The following ATP2B2 variants were observed in gnomAD, a reference collection of about 807,000 sequenced individuals.
ATP2B2 encodes plasma membrane calcium-transporting ATPase 2.
In ATP2B2, 15 loss-of-function variants were observed where a neutral mutation model predicts 120.0. The ratio of observed to expected loss-of-function variants is 0.12; its 90% confidence interval spans 0.08 to 0.19. The LOEUF is 0.19. ATP2B2 is among the 10% of genes least tolerant of loss of function. The probability of loss-of-function intolerance (pLI) is 1.00; values close to 1 mark genes in which losing one functional copy is unlikely to be tolerated. For missense variants in ATP2B2, 1,045 were observed against 1,719.8 expected (o/e 0.61, Z 6.94); for synonymous variants, 694 against 700.3 (o/e 0.99, Z 0.14).
intron 2 of ATP2B2, among the ~76,000 whole-genome samples, chr3:10,603,663 T>A (rs989007020): frequency 6.6e-5 from 10 of 152,176 alleles, no homozygotes; most frequent in African/African-American, 2.4e-4. Flanking sequence ...ACCCAGCTGT[T>A]CTCTACCCTC....
At chr3:10,350,054 G>T in intron 16 of ATP2B2, 58 bp downstream of exon 16, 3 of 1,551,418 alleles carry the variant, frequency 1.9e-6, no homozygotes. Context: ...GGAGAGGAGG[G>T]CCCAGCTTCT....
chr3:10,371,899 C>T lies in ATP2B2; in HGVS notation c.1569G>A (p.Glu523=). 1.2e-6 allele frequency: 2 copies of T among 1,614,114 alleles called. No homozygotes were observed. Among genetic ancestry groups the T allele is most frequent in the Non-Finnish European group, 1.7e-6 (2 of 1,180,030 alleles). The change falls in exon 12 of 23, where the codon GAG becomes GAA. Residue 523 remains glutamate (E), a synonymous_variant. Transcript: ENST00000360273. Reference sequence around the variant, plus strand: ...TGTTGATGGAGCTGGGGTCGGGGATCTCTTTATAGTGGACGTCGCCGACAT... The same window carrying T: ...TGTTGATGGAGCTGGGGTCGGGGATTTCTTTATAGTGGACGTCGCCGACAT... ...QAYVGDVHYK[E]IPDPSSINTK... is the part of the protein sequence containing the mutation.
At chr3:10,578,693 T>C (rs1411877167) in intron 2 of ATP2B2, among the ~76,000 whole-genome samples, 3 of 151,670 alleles carry the variant, frequency 2.0e-5, no homozygotes, top group Non-Finnish European at 4.4e-5. Flanking sequence ...GAACAACTTG[T>C]GATGTAGTCT....
Position 10,449,617 on chromosome 3 carries a change from TG to T in ATP2B2, c.-75del. On this transcript the variant is annotated 5_prime_UTR_variant, in exon 2 of 23. Transcript: ENST00000360273. Reference sequence around the variant, plus strand: ...AAGAGGCTGCCGGGTGATGGCTGCTTGTGGCTGTCCTCAGCACACCCTCACT... The same window carrying T: ...AAGAGGCTGCCGGGTGATGGCTGCTTTGGCTGTCCTCAGCACACCCTCACT... 6.4e-7 allele frequency: 1 copy of T among 1,571,188 alleles called. No individual in the cohort carries two copies. Among genetic ancestry groups the T allele is most frequent in the Non-Finnish European group, 8.7e-7 (1 of 1,143,204 alleles).
intron 1 of ATP2B2, among the ~76,000 whole-genome samples, chr3:10,651,105 G>A (rs1395430635): frequency 1.3e-5 from 2 of 152,186 alleles, no homozygotes; most frequent in Admixed American, 1.3e-4. Context: ...CATGCTCATA[G>A]GCAGAAGGGA....
intron 19 of ATP2B2, among the ~76,000 whole-genome samples, chr3:10,341,040 G>A (rs981192775): frequency 3.9e-5 from 6 of 152,154 alleles, no homozygotes; most frequent in African/African-American, 1.2e-4. Context: ...ACTCATTCTG[G>A]ACTGCGAGGA....
intron 1 of ATP2B2, among the ~76,000 whole-genome samples, chr3:10,658,527 G>A (rs2070697109): frequency 6.6e-6 from 1 of 152,166 alleles, no homozygotes; most frequent in Non-Finnish European, 1.5e-5. Flanking sequence ...AATGAAGCAA[G>A]AAGAGAAGTT....
intron 1 of ATP2B2, among the ~76,000 whole-genome samples, chr3:10,669,644 G>A (rs562952091): frequency 1.3e-5 from 2 of 152,274 alleles, no homozygotes; most frequent in African/African-American, 4.8e-5. Context: ...ATTTCAATGC[G>A]GGCTATCCAC....
At chr3:10,492,680 C>T (rs1042806253) in intron 1 of ATP2B2, among the ~76,000 whole-genome samples, 6 of 152,204 alleles carry the variant, frequency 3.9e-5, no homozygotes, top group Non-Finnish European at 7.3e-5. Flanking sequence ...CCTCTCACCC[C>T]GCTTCCTTCT....
At chr3:10,571,153 T>G (rs913020848) in intron 2 of ATP2B2, among the ~76,000 whole-genome samples, 1 of 152,254 alleles carries the variant, frequency 6.6e-6, no homozygotes, top group Non-Finnish European at 1.5e-5. Context: ...TTCTTCATGC[T>G]GTGGTTACAT....
At chr3:10,542,329 C>T (rs2067457317) in intron 2 of ATP2B2, among the ~76,000 whole-genome samples, 1 of 152,062 alleles carries the variant, frequency 6.6e-6, no homozygotes, top group Non-Finnish European at 1.5e-5. Context: ...TATTTAGAAC[C>T]ACATCAGACT....
At chr3:10,424,751 A>G (rs2063094707) in intron 2 of ATP2B2, among the ~76,000 whole-genome samples, 1 of 152,222 alleles carries the variant, frequency 6.6e-6, no homozygotes, top group Non-Finnish European at 1.5e-5. Context: ...AACATAGAAG[A>G]CTCTCCAAGA....
intron 22 of ATP2B2, chr3:10,332,391 G>A (rs1053508307): frequency 2.2e-5 from 6 of 275,456 alleles, no homozygotes; most frequent in Non-Finnish European, 4.3e-5. Flanking sequence ...CACGGAGCCT[G>A]CTACAGACTT....
intron 1 of ATP2B2, among the ~76,000 whole-genome samples, chr3:10,630,678 G>A (rs1370417073): frequency 6.6e-6 from 1 of 152,142 alleles, no homozygotes; most frequent in Non-Finnish European, 1.5e-5. Flanking sequence ...CTGTAAAATG[G>A]CTCAGGTGAA....
At chr3:10,373,534 C>T (rs1396104263) in intron 11 of ATP2B2, among the ~76,000 whole-genome samples, 1 of 152,078 alleles carries the variant, frequency 6.6e-6, no homozygotes, top group African/African-American at 2.4e-5. Context: ...AAATATACAT[C>T]AGATTTAGAG....
intron 8 of ATP2B2, among the ~76,000 whole-genome samples, chr3:10,384,609 C>T (rs531608341): frequency 2.0e-5 from 3 of 152,300 alleles, no homozygotes; most frequent in South Asian, 2.1e-4. Flanking sequence ...CCCCTCTCCC[C>T]CACCCTCCAC....
intron 12 of ATP2B2, among the ~76,000 whole-genome samples, chr3:10,366,463 C>T (rs1002082698): frequency 2.0e-5 from 3 of 152,176 alleles, no homozygotes; most frequent in African/African-American, 4.8e-5. Flanking sequence ...AGAACCACTT[C>T]GGGGGCTCCA....
chr3:10,558,410 C>T lies in ATP2B2; in HGVS notation c.-414-24277G>A, dbSNP rs75694908. Among the ~76,000 whole-genome samples, 84 of 152,174 alleles carry T rather than the reference C, an allele frequency of 5.5e-4. 1 individual carries two copies. In the South Asian group the frequency reaches 6.7e-3, roughly 12 times the overall value. On this transcript the variant is annotated intron_variant, in intron 2 of 21. Transcript: ENST00000646379. Reference sequence around the variant, plus strand: ...AAGTGCTCCCTTCTCTTTTTCTGCTCGGTTGGCTAAGCTAGGAAGTCACCT... The same window carrying T: ...AAGTGCTCCCTTCTCTTTTTCTGCTTGGTTGGCTAAGCTAGGAAGTCACCT...
chr3:10,689,263 G>A (rs1190753128), intron 1 of ATP2B2, among the ~76,000 whole-genome samples: 1 of 152,186 alleles, frequency 6.6e-6, no homozygotes, highest in Non-Finnish European at 1.5e-5. Flanking sequence ...CGGGGCACAT[G>A]AGGGTTTTGG....
Sources: allele counts gnomAD v4.1 joint callset (sites outside exome capture counted in the v4.1 genomes callset), GRCh38; gene constraint gnomAD v4.1.1; transcripts MANE v1.5; gene names NCBI Gene and HGNC (gene_info 2026-07-23, HGNC 2026-07-21).